Variants in ATRNL1 observed in about 807,000 individuals in gnomAD.
ATRNL1 encodes attractin like 1.
In ATRNL1, 95 loss-of-function variants were observed where a neutral mutation model predicts 182.7. The observed-to-expected ratio is 0.52, with a 90% CI of 0.44 to 0.62. ATRNL1 has a LOEUF of 0.62. ATRNL1 is among the 20% of genes least tolerant of loss of function. The pLI, the probability that ATRNL1 is intolerant of heterozygous loss-of-function variation, is 0.00. For missense variants in ATRNL1, 1,471 were observed against 1,679.5 expected, an observed-to-expected ratio of 0.88 and a Z score of 2.17; for synonymous variants, 576 against 568.3, an observed-to-expected ratio of 1.01 and a Z score of -0.19.
intron 27 of ATRNL1, among the ~76,000 whole-genome samples, chr10:115,810,084 A>C (rs1236839803): frequency 1.3e-5 from 2 of 151,828 alleles, no homozygotes; most frequent in African/African-American, 4.8e-5. Flanking sequence ...TATTATGGTA[A>C]ATTAAATTGA....
intron 27 of ATRNL1, among the ~76,000 whole-genome samples, chr10:115,783,058 T>G (rs1392408308): frequency 1.3e-5 from 2 of 152,232 alleles, no homozygotes; most frequent in Non-Finnish European, 2.9e-5. Context: ...TTGGTATTAT[T>G]CAGCATGGAT....
intron 27 of ATRNL1, among the ~76,000 whole-genome samples, chr10:115,776,653 G>T (rs147200769): frequency 1.3e-5 from 2 of 150,348 alleles, no homozygotes; most frequent in African/African-American, 5.0e-5. Context: ...GAAGAGACCT[G>T]TGTGCAAAGG....
At chr10:115,231,263 CAAAGG>C (rs1849940220) in intron 9 of ATRNL1, among the ~76,000 whole-genome samples, 1 of 151,952 alleles carries the variant, frequency 6.6e-6, no homozygotes, top group Non-Finnish European at 1.5e-5. Context: ...GAGCATATTT[CAAAGG>C]AAAGAGAATT....
At chr10:115,434,018 A>G (rs1846287154) in intron 21 of ATRNL1, among the ~76,000 whole-genome samples, 2 of 152,102 alleles carry the variant, frequency 1.3e-5, no homozygotes, top group South Asian at 2.1e-4. Flanking sequence ...CATGTACCCT[A>G]GTGTGGGGCT....
intron 26 of ATRNL1, among the ~76,000 whole-genome samples, chr10:115,550,966 A>G (rs2133812751): frequency 6.6e-6 from 1 of 151,864 alleles, no homozygotes; most frequent in Admixed American, 6.6e-5. Context: ...AAATGCATCT[A>G]TGTAAATATA....
At chr10:115,243,388 A>G (rs907289254) in intron 10 of ATRNL1, among the ~76,000 whole-genome samples, 2 of 152,110 alleles carry the variant, frequency 1.3e-5, no homozygotes, top group African/African-American at 2.4e-5. Flanking sequence ...TCTAATTACT[A>G]CTATTTATTT....
chr10:115,385,925 T>C (rs1592572005), intron 19 of ATRNL1, among the ~76,000 whole-genome samples: 1 of 152,232 alleles, frequency 6.6e-6, no homozygotes, highest in East Asian at 1.9e-4. Context: ...TCACTCTCTT[T>C]GGCCTAATGT....
rs1953925348 is a variant in ATRNL1 at position 115,948,578 on chromosome 10, T to A, written c.*3799T>A. On this transcript the variant is annotated 3_prime_UTR_variant, in exon 29 of 29. Coordinates refer to ENST00000355044, the MANE Select transcript of ATRNL1 (RefSeq NM_207303.4). The stretch of plus-strand genomic sequence containing the variant: ...TGGGGTAGGCCCTGGAGAGCAGTAC[T>A]CTTAACAAGCTCCTCAGTGCTTCTT... 3 of 152,214 alleles carry A rather than the reference T, an allele frequency of 2.0e-5. No homozygotes were observed. In the South Asian group the frequency reaches 6.2e-4, roughly 31 times the overall value. 9.4% of individuals were successfully genotyped at this position (152,214 alleles called of 1,614,324 possible).
intron 21 of ATRNL1, among the ~76,000 whole-genome samples, chr10:115,429,869 C>T (rs893347585): frequency 2.0e-5 from 3 of 152,100 alleles, no homozygotes; most frequent in Admixed American, 6.6e-5. Context: ...AGATCGAGAC[C>T]ATCCTGGCTA....
At chr10:115,436,392 G>A (rs1489387763) in intron 21 of ATRNL1, among the ~76,000 whole-genome samples, 4 of 152,032 alleles carry the variant, frequency 2.6e-5, no homozygotes, top group African/African-American at 7.2e-5. Context: ...AAATTTATTT[G>A]TAAGACTGAA....
At chr10:115,867,514 C>CT (rs2134406446) in intron 28 of ATRNL1, among the ~76,000 whole-genome samples, 1 of 152,198 alleles carries the variant, frequency 6.6e-6, no homozygotes, top group Admixed American at 6.5e-5. Context: ...ATGCTTTTTC[C>CT]TCTCACTGAA....
intron 10 of ATRNL1, among the ~76,000 whole-genome samples, chr10:115,253,146 C>T (rs1850953396): frequency 6.6e-6 from 1 of 152,166 alleles, no homozygotes; most frequent in African/African-American, 2.4e-5. Context: ...TGGGAGTACC[C>T]TTACAATCAA....
At chr10:115,144,405 T>C (rs1845886796) in intron 5 of ATRNL1, among the ~76,000 whole-genome samples, 1 of 151,816 alleles carries the variant, frequency 6.6e-6, no homozygotes, top group African/African-American at 2.4e-5. Flanking sequence ...TGATCCGCCT[T>C]CCTCAGCCTC....
intron 24 of ATRNL1, among the ~76,000 whole-genome samples, chr10:115,509,653 G>T (rs1850288386): frequency 6.6e-6 from 1 of 151,950 alleles, no homozygotes. Context: ...CAACCTGTGG[G>T]TCTATGAGCC....
chr10:115,672,866 T>C (rs1945742813), intron 26 of ATRNL1, among the ~76,000 whole-genome samples: 1 of 152,096 alleles, frequency 6.6e-6, no homozygotes, highest in African/African-American at 2.4e-5. Flanking sequence ...TTTATGTTCA[T>C]AGTAAACTAA....
chr10:115,441,240 C>G (rs984243060), intron 21 of ATRNL1, among the ~76,000 whole-genome samples: 2 of 151,862 alleles, frequency 1.3e-5, no homozygotes, highest in Non-Finnish European at 1.5e-5. Flanking sequence ...TTTAATATAT[C>G]TTATGTTAAA....
chr10:115,129,663 G>A (rs1845137325), intron 5 of ATRNL1, 128 bp downstream of exon 5: 1 of 662,372 alleles, frequency 1.5e-6, no homozygotes, highest in Non-Finnish European at 2.4e-6. Flanking sequence ...TTTATTTTTA[G>A]AATGTTCAGA....
chr10:115,824,604 C>T (rs577877294), intron 27 of ATRNL1, among the ~76,000 whole-genome samples: 15 of 152,054 alleles, frequency 9.9e-5, no homozygotes, highest in African/African-American at 2.2e-4. Flanking sequence ...AAAAAGTGGG[C>T]GAAGGATATG....
intron 26 of ATRNL1, among the ~76,000 whole-genome samples, chr10:115,670,724 A>G (rs1555041108): frequency 6.6e-6 from 1 of 152,068 alleles, no homozygotes; most frequent in Non-Finnish European, 1.5e-5. Flanking sequence ...ACTATAAAAT[A>G]TATTTCTTTA....
Sources: gnomAD v4.1 joint callset for allele counts (sites outside exome capture counted in the v4.1 genomes callset) on GRCh38, gnomAD v4.1.1 for gene constraint, MANE v1.5 for transcripts, NCBI Gene and HGNC (gene_info 2026-07-23, HGNC 2026-07-21) for gene names.